Variants in DPP10 observed in about 807,000 individuals in gnomAD.
DPP10 encodes the protein dipeptidyl peptidase like 10, also known as inactive dipeptidyl peptidase 10.
In DPP10, 33 loss-of-function variants were observed where a neutral mutation model predicts 120.9. The ratio of observed to expected loss-of-function variants is 0.27; its 90% CI spans 0.21 to 0.37. DPP10 has a LOEUF of 0.37. DPP10 is among the 10% of genes least tolerant of loss of function. The probability of loss-of-function intolerance (pLI) is 1.00; values close to 1 mark genes in which losing one functional copy is unlikely to be tolerated. For synonymous variants in DPP10, 337 were observed against 326.1 expected, an observed-to-expected ratio of 1.03 and a Z score of -0.36; for missense variants, 816 against 942.8, an observed-to-expected ratio of 0.87 and a Z score of 1.76.
Position 115,604,241 on chromosome 2 carries a change from G to T in DPP10, c.441+78269G>T, listed in dbSNP as rs555567296. ...AGTGGATTCTTAGGGTTGTCCTCCT[G>T]AGAGAGTAGCCCCAACTCTATTTTC... On this transcript the variant is annotated intron_variant, in intron 5 of 25. Coordinates refer to ENST00000410059, the MANE Select transcript of DPP10 (RefSeq NM_020868.6). Among the ~76,000 whole-genome samples the T allele has an allele frequency of 2.6e-5, 4 of 152,170 alleles. No individual in the cohort carries two copies. In the South Asian group the frequency reaches 8.3e-4, roughly 31 times the overall value.
chr2:115,832,198 C>A (rs1688996164), intron 21 of DPP10, among the ~76,000 whole-genome samples: 1 of 152,168 alleles, frequency 6.6e-6, no homozygotes, highest in Admixed American at 6.5e-5. Context: ...TAAAATTTAA[C>A]TTATTTTCAT....
chr2:115,197,113 G>C (rs930627810), intron 1 of DPP10, among the ~76,000 whole-genome samples: 1 of 152,192 alleles, frequency 6.6e-6, no homozygotes, highest in Non-Finnish European at 1.5e-5. Context: ...AGTAGGCAAG[G>C]CCGGGAGGGG....
intron 1 of DPP10, among the ~76,000 whole-genome samples, chr2:114,992,688 TCA>T (rs1700817674): frequency 1.3e-5 from 2 of 152,296 alleles, no homozygotes; most frequent in African/African-American, 2.4e-5. Flanking sequence ...GAGAGCTGAA[TCA>T]CAAGACATTT....
At chr2:115,538,348 C>T (rs1279500333) in intron 5 of DPP10, among the ~76,000 whole-genome samples, 1 of 151,902 alleles carries the variant, frequency 6.6e-6, no homozygotes, top group African/African-American at 2.4e-5. Context: ...TGAGAGCCTC[C>T]ATGGATCGAT....
At chr2:115,828,362 T>C (rs956447102) in intron 21 of DPP10, among the ~76,000 whole-genome samples, 3 of 152,266 alleles carry the variant, frequency 2.0e-5, no homozygotes, top group East Asian at 3.9e-4. Context: ...GTTTTCTTCA[T>C]ATGTCTTACG....
chr2:115,591,551 A>G (rs965241963), intron 5 of DPP10, among the ~76,000 whole-genome samples: 10 of 152,178 alleles, frequency 6.6e-5, no homozygotes, highest in African/African-American at 1.9e-4. Flanking sequence ...TGTTTTGGTT[A>G]CTGTAGCCTT....
chr2:114,858,848 G>A (rs1689575671), intron 1 of DPP10, among the ~76,000 whole-genome samples: 1 of 152,162 alleles, frequency 6.6e-6, no homozygotes, highest in East Asian at 1.9e-4. Flanking sequence ...TTGGAATCCT[G>A]CGCAAGAGAA....
At chr2:114,935,471 T>G (rs1696392609) in intron 1 of DPP10, among the ~76,000 whole-genome samples, 1 of 152,186 alleles carries the variant, frequency 6.6e-6, no homozygotes, top group Admixed American at 6.6e-5. Context: ...TAAGTAGTAT[T>G]GTCCCTTTGC....
At chr2:115,206,120 C>T (rs1249753762) in intron 1 of DPP10, among the ~76,000 whole-genome samples, 1 of 152,144 alleles carries the variant, frequency 6.6e-6, no homozygotes, top group African/African-American at 2.4e-5. Flanking sequence ...GTTTTATACA[C>T]ACATATACAT....
intron 1 of DPP10, among the ~76,000 whole-genome samples, chr2:115,128,486 T>G (rs371103238): frequency 7.9e-5 from 12 of 152,320 alleles, no homozygotes; most frequent in Non-Finnish European, 1.5e-4. Context: ...TGAGGAGCAC[T>G]AAGACCCTGA....
intron 1 of DPP10, among the ~76,000 whole-genome samples, chr2:115,092,557 T>C (rs1008121206): frequency 1.3e-5 from 2 of 152,210 alleles, no homozygotes; most frequent in Non-Finnish European, 2.9e-5. Context: ...GACAGCTTTT[T>C]GTTTTGATTT....
intron 1 of DPP10, among the ~76,000 whole-genome samples, chr2:114,881,353 C>T (rs1167704995): frequency 6.6e-6 from 1 of 152,076 alleles, no homozygotes; most frequent in African/African-American, 2.4e-5. Context: ...TCCTTTAGTA[C>T]ATTTGTTGTA....
intron 1 of DPP10, chr2:115,162,378 G>T: frequency 3.0e-6 from 4 of 1,348,022 alleles, no homozygotes; most frequent in Non-Finnish European, 3.9e-6. Context: ...ATTAACGCAC[G>T]CTGAAGAAAT....
chr2:115,656,521 G>A (rs907422416), intron 5 of DPP10, among the ~76,000 whole-genome samples: 21 of 151,390 alleles, frequency 1.4e-4, no homozygotes, highest in African/African-American at 4.6e-4. Flanking sequence ...TCAATCTGTC[G>A]GTATGAGAAA....
At chr2:115,681,778 T>C (rs1051288672) in intron 5 of DPP10, among the ~76,000 whole-genome samples, 5 of 96,638 alleles carry the variant, frequency 5.2e-5, no homozygotes, top group African/African-American at 6.5e-5. Context: ...TTCTCTCTCT[T>C]TCTTTCTTTC....
At chr2:114,701,780 G>T (rs975808617) in intron 1 of DPP10, among the ~76,000 whole-genome samples, 6 of 152,116 alleles carry the variant, frequency 3.9e-5, no homozygotes, top group Non-Finnish European at 8.8e-5. Context: ...AAATGTCTCT[G>T]CCTTGTGGGG....
chr2:114,555,059 A>G (rs567426810), intron 1 of DPP10, among the ~76,000 whole-genome samples: 58 of 152,326 alleles, frequency 3.8e-4, no homozygotes, highest in African/African-American at 1.3e-3. Flanking sequence ...AATTTAAGCC[A>G]TGTTATCCTA....
intron 3 of DPP10, among the ~76,000 whole-genome samples, chr2:115,348,152 A>G (rs2063802393): frequency 1.3e-5 from 2 of 152,030 alleles, no homozygotes. Flanking sequence ...AGTTCAACGT[A>G]CTCAGCATGC....
intron 1 of DPP10, among the ~76,000 whole-genome samples, chr2:115,162,780 T>C (rs1182282429): frequency 6.6e-6 from 1 of 152,122 alleles, no homozygotes; most frequent in Admixed American, 6.5e-5. Context: ...TTTGTTTTGG[T>C]CTTTAGAAAT....
Sources: allele counts gnomAD v4.1 joint callset (sites outside exome capture counted in the v4.1 genomes callset), GRCh38; gene constraint gnomAD v4.1.1; transcripts MANE v1.5; gene names NCBI Gene and HGNC (gene_info 2026-07-23, HGNC 2026-07-21).